UNC45B: variants seen among roughly 807,000 people sequenced by gnomAD.
UNC45B encodes the protein unc-45 myosin chaperone B.
UNC45B carries 78 observed loss-of-function variants against 98.7 expected under a neutral mutation model. The ratio of observed to expected loss-of-function variants is 0.79; its 90% CI spans 0.66 to 0.95. The LOEUF is 0.95. Ranked by LOEUF, UNC45B falls within the 40% of genes least tolerant of loss-of-function variation. The pLI is 0.00. For synonymous variants in UNC45B, 462 were observed against 480.4 expected (o/e 0.96, Z 0.50); for missense variants, 1,225 against 1,184.9 (o/e 1.03, Z -0.50).
At chr17:35,167,015 T>C (rs761560266) in intron 9 of UNC45B, 3 of 151,886 alleles carry the variant, frequency 2.0e-5, no homozygotes, top group Non-Finnish European at 4.4e-5. Flanking sequence ...TCCCCTAGAG[T>C]AGATGATAAT....
intron 17 of UNC45B, 86 bp downstream of exon 17, chr17:35,177,696 C>G (rs768346917): frequency 9.6e-7 from 1 of 1,045,572 alleles, no homozygotes; most frequent in Non-Finnish European, 1.4e-6. Context: ...TGAGAATGCT[C>G]TTCTCTGAAG....
rs867872716 is a variant in UNC45B at position 35,189,213 on chromosome 17, T to C, written c.*2654T>C. 2 of 152,220 alleles carry C rather than the reference T, an allele frequency of 1.3e-5. No homozygotes were observed. Among genetic ancestry groups the C allele is most frequent in the Non-Finnish European group, 2.9e-5 (2 of 68,040 alleles). The allele number at this position is 152,220 out of a possible 1,614,324, so 9.4% of individuals were successfully genotyped here. A position where few individuals can be genotyped will look rare whatever the true frequency, so the allele number is the denominator to read the frequency against. On this transcript the variant is annotated 3_prime_UTR_variant, in exon 20 of 20. Coordinates refer to ENST00000394570, the MANE Select transcript of UNC45B (RefSeq NM_001267052.2). Reference sequence around the variant, plus strand: ...ACTTGGTCTGTGTCATATTAATCCTTTGCCATTTGAGAAGCATACAGTTTT... The same window carrying C: ...ACTTGGTCTGTGTCATATTAATCCTCTGCCATTTGAGAAGCATACAGTTTT...
chr17:35,163,975 T>C lies in UNC45B; in HGVS notation c.980-20T>C. 6.3e-7 allele frequency: 1 copy of C among 1,591,636 alleles called. No homozygotes were observed. On this transcript the variant is annotated intron_variant, in intron 8 of 19. Coordinates refer to ENST00000394570, the MANE Select transcript of UNC45B (RefSeq NM_001267052.2). ...TGGAGCCCAGCAGGAATCTTAGGCT[T>C]GCCACTGTCTACCCTGCAGGTCTGA...
intron 2 of UNC45B, among the ~76,000 whole-genome samples, 166 bp downstream of exon 2, chr17:35,148,597 GAC>G (rs748032168): frequency 1.1e-4 from 17 of 152,304 alleles, no homozygotes; most frequent in South Asian, 8.3e-4. Flanking sequence ...GCCCCGGAAA[GAC>G]AGAAATTCAT....
intron 17 of UNC45B, among the ~76,000 whole-genome samples, chr17:35,179,447 C>A (rs1188724944): frequency 1.3e-5 from 2 of 152,190 alleles, no homozygotes; most frequent in Non-Finnish European, 2.9e-5. Context: ...AAGACACATG[C>A]ACACGTATGT....
chr17:35,169,565 CACA>C (rs1313077941), intron 10 of UNC45B, among the ~76,000 whole-genome samples: 1 of 152,036 alleles, frequency 6.6e-6, no homozygotes, highest in Non-Finnish European at 1.5e-5. Flanking sequence ...AAATGGCAGG[CACA>C]ATACATCTGT....
intron 4 of UNC45B, chr17:35,151,262 C>T (rs576306705): frequency 1.3e-5 from 3 of 223,402 alleles, no homozygotes; most frequent in South Asian, 9.2e-5. Context: ...TCGCGGGCCT[C>T]GATCAGAAGG....
chr17:35,181,625 T>C (rs2092274311), intron 18 of UNC45B, among the ~76,000 whole-genome samples: 1 of 152,054 alleles, frequency 6.6e-6, no homozygotes, highest in South Asian at 2.1e-4. Flanking sequence ...ACCCTGTCTC[T>C]ACTAAAAGTA....
chr17:35,150,373 A>G, intron 4 of UNC45B, 150 bp downstream of exon 4: 1 of 841,294 alleles, frequency 1.2e-6, no homozygotes, highest in Admixed American at 3.2e-5. Context: ...GGCAGGCTGC[A>G]CAGAACAGCT....
chr17:35,164,930 A>G (rs900283294), intron 9 of UNC45B, among the ~76,000 whole-genome samples: 4 of 151,354 alleles, frequency 2.6e-5, no homozygotes, highest in East Asian at 3.9e-4. Flanking sequence ...GTGCAGTGGC[A>G]TGATCATGAC....
chr17:35,153,230 T>C (rs192319274), intron 5 of UNC45B, among the ~76,000 whole-genome samples: 1 of 152,274 alleles, frequency 6.6e-6, no homozygotes, highest in East Asian at 1.9e-4. Flanking sequence ...GTTTTGTTCA[T>C]CATGGATTTT....
chr17:35,174,187 C>T, intron 13 of UNC45B, 55 bp from the exon 14 acceptor site: 1 of 1,610,274 alleles, frequency 6.2e-7, no homozygotes, highest in Non-Finnish European at 8.5e-7. Flanking sequence ...GGTTCCAATA[C>T]CGATTGGCCT....
At chr17:35,150,760 C>T (rs749941662) in intron 4 of UNC45B, among the ~76,000 whole-genome samples, 4 of 150,338 alleles carry the variant, frequency 2.7e-5, no homozygotes, top group Admixed American at 1.3e-4. Context: ...CTCCCACCCC[C>T]GCCCCCCCCA....
In UNC45B at chr17:35,150,506, T is replaced by G. The variant is rs57595186; in HGVS notation, c.381+283T>G. Among the ~76,000 whole-genome samples, 1,287 of 152,296 alleles carry G rather than the reference T, an allele frequency of 8.5e-3. 28 individuals carry two copies. The highest frequency in any genetic ancestry group is 0.07 in the East Asian group (364 of 5,186). On this transcript the variant is annotated intron_variant, in intron 4 of 19. Transcript: ENST00000394570. ...GCTCATGCTTATAATCCCAATACTT[T>G]GGGAGGCTGAGGCGGGCAGATCACT...
At chr17:35,169,275 C>T (rs1027113106) in intron 10 of UNC45B, among the ~76,000 whole-genome samples, 1 of 152,060 alleles carries the variant, frequency 6.6e-6, no homozygotes, top group African/African-American at 2.4e-5. Flanking sequence ...CCTGGCCTAA[C>T]TGATCCACCC....
At position 35,188,733 on chromosome 17, in the gene UNC45B, A is replaced by G. The variant is rs1426030681; in HGVS notation, c.*2174A>G. 1 of 152,214 alleles carries G rather than the reference A, an allele frequency of 6.6e-6. No homozygotes were observed. The highest frequency in any genetic ancestry group is 1.5e-5 in the Non-Finnish European group (1 of 68,034). 9.4% of individuals were successfully genotyped at this position (152,214 alleles called of 1,614,324 possible). On this transcript the variant is annotated 3_prime_UTR_variant, in exon 20 of 20. Coordinates refer to ENST00000394570, the MANE Select transcript of UNC45B (RefSeq NM_001267052.2). The stretch of plus-strand genomic sequence containing the variant: ...AACATGAATATTTTGTAAATAGTCC[A>G]AGAAGATCTAGAGGAAAGCTGAATT...
chr17:35,180,731 G>T, intron 18 of UNC45B, 55 bp downstream of exon 18: 2 of 1,431,206 alleles, frequency 1.4e-6, no homozygotes, highest in Non-Finnish European at 2.0e-6. Flanking sequence ...CGAGAGGCAG[G>T]CCAGGGTCAG....
At chr17:35,171,147 C>A (rs1240878846) in intron 12 of UNC45B, among the ~76,000 whole-genome samples, 175 bp from the exon 13 acceptor site, 1 of 152,196 alleles carries the variant, frequency 6.6e-6, no homozygotes, top group Non-Finnish European at 1.5e-5. Flanking sequence ...CTGCTGCCTG[C>A]CTTTATGGGG....
rs780836954 is a variant in UNC45B, at chr17:35,171,293, T to G, written c.1690-29T>G. ...TTTGTCCTAAAGTTTCCTTTCTGCT[T>G]TCCCTCTCCCCAACCCTGTGCCTTC... On this transcript the variant is annotated intron_variant, in intron 12 of 19. Transcript: ENST00000394570. 5.9e-5 allele frequency: 94 copies of G among 1,606,316 alleles called. 1 individual carries two copies. The South Asian group carries it at 7.2e-4, about 12-fold the overall frequency.
Sources: gnomAD v4.1 joint callset for allele counts (sites outside exome capture counted in the v4.1 genomes callset) on GRCh38, gnomAD v4.1.1 for gene constraint, MANE v1.5 for transcripts, NCBI Gene and HGNC (gene_info 2026-07-23, HGNC 2026-07-21) for gene names.